The following RALGAPA1 variants were observed in gnomAD, a reference collection of about 807,000 sequenced individuals.
RALGAPA1 encodes the protein ral GTPase-activating protein subunit alpha-1.
Under a neutral mutation model 269.6 loss-of-function variants are expected in RALGAPA1, and 52 were observed. That is an observed-to-expected ratio of 0.19 (90% CI 0.15 to 0.24). The LOEUF (loss-of-function observed/expected upper bound fraction) is 0.24. Among genes scored for constraint, RALGAPA1 ranks in the 10% least tolerant of loss-of-function variants. RALGAPA1 has a pLI of 1.00. For synonymous variants in RALGAPA1, 817 were observed against 1,008.3 expected, an observed-to-expected ratio of 0.81 and a Z score of 3.60; for missense variants, 1,917 against 3,013.9, an observed-to-expected ratio of 0.64 and a Z score of 8.52.
At chr14:35,787,598 T>C (rs1595555975) in intron 1 of RALGAPA1, among the ~76,000 whole-genome samples, 1 of 152,304 alleles carries the variant, frequency 6.6e-6, no homozygotes, top group African/African-American at 2.4e-5. Context: ...TTCTAACACA[T>C]AGCTTAAATA....
At chr14:35,745,891 C>T (rs1300737442) in intron 10 of RALGAPA1, among the ~76,000 whole-genome samples, 2 of 151,818 alleles carry the variant, frequency 1.3e-5, no homozygotes, top group Non-Finnish European at 2.9e-5. Context: ...TAGAGACCAG[C>T]CTGGGCAATA....
At chr14:35,602,536 G>A (rs2059354262) in intron 36 of RALGAPA1, among the ~76,000 whole-genome samples, 1 of 152,102 alleles carries the variant, frequency 6.6e-6, no homozygotes, top group Admixed American at 6.6e-5. Flanking sequence ...TACCTACTAT[G>A]GTTTTGATTT....
chr14:35,622,114 CA>C (rs1202911764), intron 35 of RALGAPA1, among the ~76,000 whole-genome samples: 1 of 152,148 alleles, frequency 6.6e-6, no homozygotes, highest in Admixed American at 6.5e-5. Flanking sequence ...GGAACCAACC[CA>C]AATGTCCATC....
chr14:35,797,351 C>CAAAAAAAAAAAA (rs530576211), intron 1 of RALGAPA1, among the ~76,000 whole-genome samples: 5,561 of 59,202 alleles, frequency 0.094, 933 homozygotes, highest in East Asian at 0.3. Context: ...GACTCCGTCT[C>CAAAAAAAAAAAA]AAAAAAAAAA....
intron 20 of RALGAPA1, 60 bp from the exon 21 acceptor site, chr14:35,684,045 G>T: frequency 7.3e-7 from 1 of 1,369,622 alleles, no homozygotes. Context: ...ATATTTACGA[G>T]AGCTAAATCA....
intron 3 of RALGAPA1, among the ~76,000 whole-genome samples, chr14:35,774,146 T>C (rs1298847603): frequency 2.0e-5 from 3 of 152,090 alleles, no homozygotes; most frequent in East Asian, 3.9e-4. Flanking sequence ...TTCTAACTCC[T>C]GAGCTCAAAT....
chr14:35,766,612 T>C (rs562750081), intron 4 of RALGAPA1: 32 of 741,578 alleles, frequency 4.3e-5, no homozygotes, highest in African/African-American at 8.6e-5. Flanking sequence ...ACTGAAGCCA[T>C]GTATGCTGCA....
chr14:35,700,327 T>C (rs1431674436), intron 16 of RALGAPA1, 25 bp from the exon 17 acceptor site: 6 of 1,478,552 alleles, frequency 4.1e-6, no homozygotes, highest in Non-Finnish European at 5.3e-6. Context: ...AAGAAAGAAG[T>C]GGGGAAGGAA....
intron 29 of RALGAPA1, 38 bp downstream of exon 29, chr14:35,655,769 T>A: frequency 6.3e-7 from 1 of 1,594,852 alleles, no homozygotes; most frequent in Non-Finnish European, 8.5e-7. Context: ...ATGCATTCTC[T>A]CCTATCTTAA....
chr14:35,712,899 T>C (rs569300327), intron 16 of RALGAPA1, among the ~76,000 whole-genome samples: 1 of 152,350 alleles, frequency 6.6e-6, no homozygotes, highest in East Asian at 1.9e-4. Flanking sequence ...GTTCATTTTC[T>C]TCTCTCACTT....
At chr14:35,757,125 T>A (rs71421957) in intron 6 of RALGAPA1, among the ~76,000 whole-genome samples, 9,072 of 129,052 alleles carry the variant, frequency 0.07, 332 homozygotes, top group East Asian at 0.13. Flanking sequence ...TATTATTTTT[T>A]TTTTTTTTTT....
intron 39 of RALGAPA1, among the ~76,000 whole-genome samples, chr14:35,556,801 A>G (rs1191873839): frequency 1.3e-5 from 2 of 152,212 alleles, no homozygotes; most frequent in East Asian, 1.9e-4. Flanking sequence ...CTCAAAATCC[A>G]TAACAGGTGC....
At chr14:35,787,110 CAT>C (rs368568063) in intron 1 of RALGAPA1, among the ~76,000 whole-genome samples, 38 of 152,320 alleles carry the variant, frequency 2.5e-4, no homozygotes, top group South Asian at 8.3e-4. Context: ...ATATTTGACA[CAT>C]GATTCTCTTT....
intron 1 of RALGAPA1, among the ~76,000 whole-genome samples, chr14:35,787,767 G>A (rs2141722182): frequency 6.6e-6 from 1 of 151,350 alleles, no homozygotes; most frequent in South Asian, 2.1e-4. Flanking sequence ...AAGTTGTAGA[G>A]ATGGGGGTCT....
intron 16 of RALGAPA1, among the ~76,000 whole-genome samples, chr14:35,701,663 ACAGGGTCTTACTCTGTTGT>A (rs915768596): frequency 4.0e-5 from 6 of 151,700 alleles, no homozygotes; most frequent in Admixed American, 3.3e-4. Context: ...TTTTTTTGAG[ACAGGGTCTTACTCTGTTGT>A]CCAGGCGGGA....
intron 35 of RALGAPA1, among the ~76,000 whole-genome samples, chr14:35,621,283 A>G (rs1046420523): frequency 6.6e-6 from 1 of 152,218 alleles, no homozygotes; most frequent in African/African-American, 2.4e-5. Flanking sequence ...TATTTAATAA[A>G]TGGTGCTGGG....
intron 16 of RALGAPA1, among the ~76,000 whole-genome samples, chr14:35,703,615 C>A (rs1181891881): frequency 6.6e-6 from 1 of 152,078 alleles, no homozygotes; most frequent in African/African-American, 2.4e-5. Context: ...GCTATGCAAC[C>A]CTCACTATAG....
At chr14:35,554,920 A>C (rs142459123) in intron 39 of RALGAPA1, among the ~76,000 whole-genome samples, 1 of 152,192 alleles carries the variant, frequency 6.6e-6, no homozygotes, top group Non-Finnish European at 1.5e-5. Flanking sequence ...GAATGAATAA[A>C]GTTGGTTTGA....
At chr14:35,684,836 G>C in intron 20 of RALGAPA1, 93 bp downstream of exon 20, 1 of 1,292,420 alleles carries the variant, frequency 7.7e-7, no homozygotes, top group Non-Finnish European at 1.1e-6. Flanking sequence ...AGTAACACTG[G>C]AGAGGAAGGT....
Sources: allele counts gnomAD v4.1 joint callset (sites outside exome capture counted in the v4.1 genomes callset), GRCh38; gene constraint gnomAD v4.1.1; transcripts MANE v1.5; gene names NCBI Gene and HGNC (gene_info 2026-07-23, HGNC 2026-07-21).